GRID2: variants seen among roughly 807,000 people sequenced by gnomAD.
GRID2 encodes the protein glutamate ionotropic receptor delta type subunit 2.
GRID2 carries 33 observed loss-of-function variants against 114.8 expected under a neutral mutation model. The ratio of observed to expected loss-of-function variants is 0.29; its 90% CI spans 0.22 to 0.38. The LOEUF is 0.38. Among genes scored for constraint, GRID2 ranks in the 10% least tolerant of loss-of-function variants. GRID2 has a pLI of 1.00. For missense variants in GRID2, 1,184 were observed against 1,257.7 expected (o/e 0.94, Z 0.89); for synonymous variants, 505 against 449.9 (o/e 1.12, Z -1.55).
intron 2 of GRID2, among the ~76,000 whole-genome samples, chr4:92,852,974 T>C (rs2149425069): frequency 6.6e-6 from 1 of 152,196 alleles, no homozygotes; most frequent in Middle Eastern, 3.4e-3. Flanking sequence ...AAATTCTTTG[T>C]ATTTTAATAT....
intron 2 of GRID2, among the ~76,000 whole-genome samples, chr4:92,946,587 ACT>A (rs1242910750): frequency 6.6e-6 from 1 of 151,930 alleles, no homozygotes; most frequent in African/African-American, 2.4e-5. Flanking sequence ...TACTATGCAA[ACT>A]CTACTGCATA....
At chr4:93,218,676 G>A (rs1744519756) in intron 6 of GRID2, among the ~76,000 whole-genome samples, 1 of 152,056 alleles carries the variant, frequency 6.6e-6, no homozygotes, top group African/African-American at 2.4e-5. Context: ...ATCTTCTGAA[G>A]CCTTAACAAC....
At chr4:92,432,382 C>G (rs35420935) in intron 1 of GRID2, among the ~76,000 whole-genome samples, 17,979 of 152,046 alleles carry the variant, frequency 0.12, 1,118 homozygotes, top group South Asian at 0.16. Context: ...GTTTGGGGAC[C>G]AAGGCCTGAG....
chr4:93,508,397 A>G (rs745942421), intron 12 of GRID2, among the ~76,000 whole-genome samples: 2 of 151,712 alleles, frequency 1.3e-5, no homozygotes, highest in Non-Finnish European at 2.9e-5. Context: ...GGGTTTCACC[A>G]TGTTGGCCAG....
chr4:93,455,338 T>C (rs1159027080), intron 10 of GRID2, among the ~76,000 whole-genome samples: 5 of 152,174 alleles, frequency 3.3e-5, no homozygotes, highest in Admixed American at 3.3e-4. Context: ...TTACTGTTAA[T>C]GATTGCTTTG....
chr4:93,235,443 A>G (rs1207179502), intron 7 of GRID2, among the ~76,000 whole-genome samples: 2 of 152,138 alleles, frequency 1.3e-5, no homozygotes, highest in Non-Finnish European at 2.9e-5. Flanking sequence ...CCCCTTGGCT[A>G]GCACACATTT....
intron 2 of GRID2, among the ~76,000 whole-genome samples, chr4:92,756,809 GT>G (rs1472590490): frequency 2.6e-5 from 4 of 151,836 alleles, no homozygotes; most frequent in Non-Finnish European, 5.9e-5. Flanking sequence ...AATGTTTGGG[GT>G]TTTTTTATGT....
rs563134981 is a variant in GRID2 at position 92,389,850 on chromosome 4, T to C, written c.88+85106T>C. ...TAGTTTCATTCTTGCCCCTATATTA[T>C]TCTAAAGGTTCATTATTAATGTGGG... On this transcript the variant is annotated intron_variant, in intron 1 of 15. Coordinates refer to ENST00000282020, the MANE Select transcript of GRID2 (RefSeq NM_001510.4). Among the ~76,000 whole-genome samples, 4 of 152,212 alleles carry C rather than the reference T, an allele frequency of 2.6e-5. No homozygotes were observed. In the South Asian group the frequency reaches 8.3e-4, roughly 32 times the overall value.
At chr4:93,454,819 C>T (rs994147171) in intron 10 of GRID2, among the ~76,000 whole-genome samples, 2 of 152,138 alleles carry the variant, frequency 1.3e-5, no homozygotes, top group Admixed American at 1.3e-4. Context: ...GAAGGGTCAT[C>T]CTGCAGCTTT....
intron 14 of GRID2, among the ~76,000 whole-genome samples, chr4:93,627,307 A>G (rs933684172): frequency 8.5e-5 from 13 of 152,168 alleles, no homozygotes; most frequent in Non-Finnish European, 1.9e-4. Context: ...CTAAATTTCA[A>G]ACAACTTGAG....
chr4:93,118,509 G>A lies in GRID2; in HGVS notation c.735+7556G>A, dbSNP rs571049071. On this transcript the variant is annotated intron_variant, in intron 4 of 15. Transcript: ENST00000282020. ...TTTGTTGAATTCCAAATATATAGTT[G>A]AATAAATTAAAGGCCTCTCTAGATC... Among the ~76,000 whole-genome samples the A allele has an allele frequency of 2.9e-4, 44 of 152,178 alleles. 1 individual carries two copies. Among genetic ancestry groups the A allele is most frequent in the South Asian group, 1.7e-3 (8 of 4,820 alleles).
At chr4:92,494,019 A>T (rs988070301) in intron 1 of GRID2, among the ~76,000 whole-genome samples, 1 of 152,124 alleles carries the variant, frequency 6.6e-6, no homozygotes, top group Non-Finnish European at 1.5e-5. Context: ...CTATTTAACT[A>T]TTATTTTTTA....
chr4:93,798,911 G>T (rs940536535), intron 1 of GRID2, among the ~76,000 whole-genome samples: 2 of 152,164 alleles, frequency 1.3e-5, no homozygotes, highest in Admixed American at 1.3e-4. Context: ...CATAACACCA[G>T]TTCCTGTCTT....
chr4:93,760,219 C>T (rs575923219), intron 14 of GRID2, among the ~76,000 whole-genome samples: 6 of 152,088 alleles, frequency 3.9e-5, no homozygotes, highest in African/African-American at 9.7e-5. Context: ...TTTGAAAAGG[C>T]CTTTATAAAC....
intron 1 of GRID2, among the ~76,000 whole-genome samples, chr4:92,361,375 A>T (rs185172855): frequency 1.3e-5 from 2 of 152,054 alleles, no homozygotes; most frequent in African/African-American, 4.8e-5. Context: ...AGTATATGGA[A>T]ATATTCAATG....
chr4:92,439,470 A>G (rs879212422), intron 1 of GRID2, among the ~76,000 whole-genome samples: 5 of 151,966 alleles, frequency 3.3e-5, no homozygotes, highest in South Asian at 2.1e-4. Context: ...GGGTGGTGAA[A>G]ATTTTTAGGG....
At chr4:93,543,968 A>G (rs575212406) in intron 13 of GRID2, among the ~76,000 whole-genome samples, 2 of 152,350 alleles carry the variant, frequency 1.3e-5, no homozygotes, top group East Asian at 3.9e-4. Context: ...GGCAATTATT[A>G]TCAATGCTTT....
At position 93,121,324 on chromosome 4, in the gene GRID2, C is replaced by T. The variant is rs77548138; in HGVS notation, c.735+10371C>T. ...CATGCCCAGATTTCTCATTCATGCA[C>T]GCTCCAGTTAAGATCTCCCCAAAGG... On this transcript the variant is annotated intron_variant, in intron 4 of 15. Transcript: ENST00000282020. Among the ~76,000 whole-genome samples the T allele has an allele frequency of 5.3e-4, 80 of 152,246 alleles. No individual in the cohort carries two copies. In the East Asian group the frequency reaches 0.013, roughly 24 times the overall value.
chr4:92,753,775 A>G (rs578052455), intron 2 of GRID2, among the ~76,000 whole-genome samples: 22 of 152,236 alleles, frequency 1.4e-4, no homozygotes, highest in African/African-American at 3.9e-4. Flanking sequence ...CAAGTACATG[A>G]AAGACTGTGG....
Sources: gnomAD v4.1 joint callset for allele counts (sites outside exome capture counted in the v4.1 genomes callset) on GRCh38, gnomAD v4.1.1 for gene constraint, MANE v1.5 for transcripts, NCBI Gene and HGNC (gene_info 2026-07-23, HGNC 2026-07-21) for gene names.